Variants in CTNNA2 observed in about 807,000 individuals in gnomAD.
The protein encoded by CTNNA2 is catenin alpha-2.
In CTNNA2, 42 loss-of-function variants were observed where a neutral mutation model predicts 101.0. The ratio of observed to expected loss-of-function variants is 0.42; its 90% CI spans 0.32 to 0.54. The LOEUF (loss-of-function observed/expected upper bound fraction) is 0.54. Ranked by LOEUF, CTNNA2 falls within the 20% of genes least tolerant of loss-of-function variation. CTNNA2 has a pLI of 0.14. For synonymous variants in CTNNA2, 450 were observed against 456.4 expected (o/e 0.99, Z 0.18); for missense variants, 871 against 1,223.1 (o/e 0.71, Z 4.29).
intron 3 of CTNNA2, among the ~76,000 whole-genome samples, chr2:79,803,486 G>A (rs756021682): frequency 3.3e-5 from 5 of 152,250 alleles, no homozygotes. Flanking sequence ...AATAGGTTGG[G>A]CTAGTTAACT....
At chr2:80,358,632 C>A (rs982929358) in intron 7 of CTNNA2, among the ~76,000 whole-genome samples, 1 of 152,024 alleles carries the variant, frequency 6.6e-6, no homozygotes, top group Non-Finnish European at 1.5e-5. Flanking sequence ...GGATTATAGG[C>A]GTGAGCCACT....
intron 7 of CTNNA2, among the ~76,000 whole-genome samples, chr2:80,365,570 GGA>G (rs1674841664): frequency 8.7e-6 from 1 of 114,640 alleles, no homozygotes; most frequent in African/African-American, 4.4e-5. Flanking sequence ...TGTGTTTTTT[GGA>G]AAAAAAAAAA....
chr2:79,474,409 A>G (rs1310312257), intron 4 of CTNNA2, among the ~76,000 whole-genome samples: 1 of 152,212 alleles, frequency 6.6e-6, no homozygotes, highest in African/African-American at 2.4e-5. Flanking sequence ...TAAAGACTGC[A>G]TATGACATGG....
intron 6 of CTNNA2, among the ~76,000 whole-genome samples, chr2:79,878,140 A>G (rs1038540364): frequency 1.3e-5 from 2 of 152,234 alleles, no homozygotes; most frequent in African/African-American, 4.8e-5. Flanking sequence ...TGCAAAGGAC[A>G]TGATATTATT....
intron 6 of CTNNA2, among the ~76,000 whole-genome samples, chr2:79,906,476 C>T (rs1186199398): frequency 2.0e-5 from 3 of 152,190 alleles, no homozygotes; most frequent in Non-Finnish European, 2.9e-5. Flanking sequence ...CCCATCTGTA[C>T]TGCAGATACA....
chr2:79,722,854 G>C (rs1382664348), intron 2 of CTNNA2, among the ~76,000 whole-genome samples: 1 of 152,094 alleles, frequency 6.6e-6, no homozygotes, highest in Non-Finnish European at 1.5e-5. Flanking sequence ...TCCAGGTTGT[G>C]ACAGATCATG....
At chr2:80,248,228 C>T (rs1040938890) in intron 7 of CTNNA2, among the ~76,000 whole-genome samples, 4 of 152,068 alleles carry the variant, frequency 2.6e-5, no homozygotes, top group East Asian at 3.9e-4. Context: ...ATCCTTCAGT[C>T]GGTTAGCAAG....
intron 2 of CTNNA2, among the ~76,000 whole-genome samples, chr2:79,219,902 A>G (rs1382989951): frequency 6.6e-6 from 1 of 152,146 alleles, no homozygotes; most frequent in East Asian, 1.9e-4. Flanking sequence ...CCTGAAATTC[A>G]TCCTTTCTTC....
chr2:79,280,769 G>A (rs1675355852), intron 2 of CTNNA2, among the ~76,000 whole-genome samples: 1 of 151,508 alleles, frequency 6.6e-6, no homozygotes, highest in Admixed American at 6.6e-5. Context: ...CTTTCTGGAG[G>A]ACCACCCTTG....
Position 79,526,332 on chromosome 2 carries a change from G to A in CTNNA2, c.-6+13125G>A, listed in dbSNP as rs549098942. Among the ~76,000 whole-genome samples, 10 of 152,024 alleles carry A rather than the reference G, an allele frequency of 6.6e-5. No homozygotes were observed. The East Asian group carries it at 1.7e-3, about 26-fold the overall frequency. On this transcript the variant is annotated intron_variant, in intron 1 of 18. Transcript: ENST00000402739. ...TAGAGGCTACAAAATATCATGAAAA[G>A]AATTTGAAGAAGACCTAAAAAATGG...
intron 7 of CTNNA2, among the ~76,000 whole-genome samples, chr2:80,041,775 T>C (rs970380523): frequency 8.8e-4 from 134 of 152,292 alleles, no homozygotes; most frequent in African/African-American, 3.0e-3. Flanking sequence ...GTCAACCCCC[T>C]GGAAGATATT....
At chr2:79,734,250 G>A (rs1163524952) in intron 2 of CTNNA2, among the ~76,000 whole-genome samples, 2 of 152,022 alleles carry the variant, frequency 1.3e-5, no homozygotes, top group Non-Finnish European at 2.9e-5. Flanking sequence ...TTAATTTTTA[G>A]TGTCACTTTT....
chr2:79,297,698 C>A (rs970402711), intron 2 of CTNNA2, among the ~76,000 whole-genome samples: 2 of 152,140 alleles, frequency 1.3e-5, no homozygotes, highest in African/African-American at 4.8e-5. Flanking sequence ...TCTATCTAAT[C>A]TTTCATCTAC....
intron 14 of CTNNA2, among the ~76,000 whole-genome samples, chr2:80,587,862 T>C (rs1299162745): frequency 6.6e-6 from 1 of 152,152 alleles, no homozygotes; most frequent in Non-Finnish European, 1.5e-5. Context: ...TGCATACAGT[T>C]TTGGGAGGAT....
chr2:79,862,540 C>T (rs1416409609), intron 4 of CTNNA2, among the ~76,000 whole-genome samples: 1 of 152,138 alleles, frequency 6.6e-6, no homozygotes, highest in Non-Finnish European at 1.5e-5. Flanking sequence ...GAAAATATGG[C>T]CCAGGTTTTT....
Position 80,442,101 on chromosome 2 carries a change from A to G in CTNNA2, c.1290+22500A>G, listed in dbSNP as rs969554185. The stretch of plus-strand genomic sequence containing the variant: ...TCACACATATGACAACTCCTCATTT[A>G]TTTTTCTATATCAGCAGGTCTTCAC... On this transcript the variant is annotated intron_variant, in intron 9 of 18. Coordinates refer to ENST00000402739, the MANE Select transcript of CTNNA2 (RefSeq NM_001282597.3). Among the ~76,000 whole-genome samples the G allele has an allele frequency of 9.2e-5, 14 of 152,130 alleles. No homozygotes were observed. In the East Asian group the frequency reaches 2.7e-3, roughly 29 times the overall value.
intron 3 of CTNNA2, among the ~76,000 whole-genome samples, chr2:79,780,904 T>C (rs1469508322): frequency 2.0e-5 from 3 of 152,074 alleles, no homozygotes; most frequent in African/African-American, 7.2e-5. Context: ...CACTGACTTA[T>C]AAAAACAAAG....
intron 2 of CTNNA2, among the ~76,000 whole-genome samples, chr2:79,204,208 C>G (rs571740538): frequency 6.6e-6 from 1 of 152,306 alleles, no homozygotes; most frequent in African/African-American, 2.4e-5. Context: ...CAACCAAAGT[C>G]ACACTGAAGG....
intron 3 of CTNNA2, among the ~76,000 whole-genome samples, chr2:79,344,125 A>T (rs558362896): frequency 6.6e-6 from 1 of 152,168 alleles, no homozygotes; most frequent in Non-Finnish European, 1.5e-5. Flanking sequence ...CAACTGGCAC[A>T]CTAACCAGAG....
Sources: gnomAD v4.1 joint callset for allele counts (sites outside exome capture counted in the v4.1 genomes callset) on GRCh38, gnomAD v4.1.1 for gene constraint, MANE v1.5 for transcripts, NCBI Gene and HGNC (gene_info 2026-07-23, HGNC 2026-07-21) for gene names.